The following COBL variants were observed in gnomAD, a reference collection of about 807,000 sequenced individuals.
The protein encoded by COBL is protein cordon-bleu.
COBL carries 51 observed loss-of-function variants against 98.8 expected under a neutral mutation model. That is an observed-to-expected ratio of 0.52 (90% CI 0.41 to 0.65). The LOEUF (loss-of-function observed/expected upper bound fraction) is 0.65, where lower values mean the gene tolerates loss of function less well. COBL is among the 30% of genes least tolerant of loss of function. COBL has a pLI of 0.00. For synonymous variants in COBL, 634 were observed against 651.7 expected (o/e 0.97, Z 0.41); for missense variants, 1,617 against 1,617.5 (o/e 1.00, Z 0.01).
At chr7:51,268,047 G>A (rs1798387995) in intron 1 of COBL, among the ~76,000 whole-genome samples, 1 of 152,134 alleles carries the variant, frequency 6.6e-6, no homozygotes, top group African/African-American at 2.4e-5. Flanking sequence ...TGGTATTGGT[G>A]GTAGAGATGA....
At chr7:51,286,681 AC>A (rs1800399865) in intron 1 of COBL, among the ~76,000 whole-genome samples, 1 of 152,214 alleles carries the variant, frequency 6.6e-6, no homozygotes, top group African/African-American at 2.4e-5. Context: ...TAGTTCAGCC[AC>A]TGTGGAAAGT....
intron 7 of COBL, among the ~76,000 whole-genome samples, chr7:51,066,287 T>C (rs552539167): frequency 9.8e-4 from 149 of 152,278 alleles, no homozygotes; most frequent in African/African-American, 3.4e-3. Context: ...TAGGTGGGCT[T>C]GCACATGAGA....
chr7:51,142,218 G>T (rs902833495), intron 5 of COBL, among the ~76,000 whole-genome samples: 1 of 152,022 alleles, frequency 6.6e-6, no homozygotes, highest in African/African-American at 2.4e-5. Context: ...ATGCCTGGGG[G>T]ATGGCATTTT....
chr7:51,071,497 G>T (rs1792549693), intron 7 of COBL: 1 of 152,054 alleles, frequency 6.6e-6, no homozygotes, highest in African/African-American at 2.4e-5. Flanking sequence ...AGTAAATTGG[G>T]GGTGCCATGT....
intron 1 of COBL, among the ~76,000 whole-genome samples, chr7:51,308,813 A>C (rs191051245): frequency 6.6e-6 from 1 of 152,334 alleles, no homozygotes; most frequent in Non-Finnish European, 1.5e-5. Flanking sequence ...CAAGGAGAAC[A>C]GAGACATCAT....
intron 7 of COBL, among the ~76,000 whole-genome samples, chr7:51,048,399 A>C (rs1789924250): frequency 6.6e-6 from 1 of 152,190 alleles, no homozygotes; most frequent in Admixed American, 6.6e-5. Context: ...TTTACAACTA[A>C]ATTAATTGTA....
chr7:51,180,576 T>C (rs1788847159), intron 5 of COBL, among the ~76,000 whole-genome samples: 1 of 152,236 alleles, frequency 6.6e-6, no homozygotes, highest in Non-Finnish European at 1.5e-5. Flanking sequence ...TCATGCCAAG[T>C]ATAATAAGTG....
At chr7:51,208,192 G>C (rs1035996778) in intron 2 of COBL, among the ~76,000 whole-genome samples, 2 of 149,772 alleles carry the variant, frequency 1.3e-5, no homozygotes, top group Admixed American at 1.3e-4. Flanking sequence ...CCCTCTGCCT[G>C]GCAACCGCCC....
intron 6 of COBL, among the ~76,000 whole-genome samples, chr7:51,116,649 A>G (rs1480238452): frequency 1.3e-5 from 2 of 152,098 alleles, no homozygotes; most frequent in Non-Finnish European, 2.9e-5. Context: ...GCTATGTACC[A>G]TTTCTGACAC....
intron 1 of COBL, among the ~76,000 whole-genome samples, chr7:51,240,080 T>TA (rs1267745568): frequency 6.6e-6 from 1 of 152,186 alleles, no homozygotes; most frequent in Admixed American, 6.5e-5. Flanking sequence ...TTAATTTTTT[T>TA]AAAAAATACC....
At chr7:51,298,334 T>C (rs555653378) in intron 1 of COBL, among the ~76,000 whole-genome samples, 21 of 152,372 alleles carry the variant, frequency 1.4e-4, no homozygotes, top group Non-Finnish European at 2.5e-4. Context: ...ACTTGCTACG[T>C]AGCAATAGGT....
intron 1 of COBL, among the ~76,000 whole-genome samples, chr7:51,294,839 G>A (rs1257233584): frequency 6.6e-6 from 1 of 151,900 alleles, no homozygotes; most frequent in Non-Finnish European, 1.5e-5. Flanking sequence ...AGAATTTAAA[G>A]TTTTACTGGT....
intron 6 of COBL, among the ~76,000 whole-genome samples, chr7:51,124,667 T>G (rs1285053608): frequency 1.3e-5 from 2 of 152,206 alleles, no homozygotes; most frequent in African/African-American, 4.8e-5. Flanking sequence ...TTTGGGGACA[T>G]AAAGTGCTCC....
At chr7:51,059,014 C>T (rs543997339) in intron 7 of COBL, among the ~76,000 whole-genome samples, 10 of 152,298 alleles carry the variant, frequency 6.6e-5, no homozygotes, top group Non-Finnish European at 1.2e-4. Context: ...CTGGGGTGTC[C>T]GAATTGTCCC....
At chr7:51,060,757 C>CA (rs987945987) in intron 7 of COBL, among the ~76,000 whole-genome samples, 11 of 152,196 alleles carry the variant, frequency 7.2e-5, no homozygotes, top group Middle Eastern at 3.4e-3. Flanking sequence ...ATTATTCCAC[C>CA]AGGGGGCACA....
chr7:51,292,973 A>C (rs1458253657), intron 1 of COBL, among the ~76,000 whole-genome samples: 1 of 152,254 alleles, frequency 6.6e-6, no homozygotes, highest in Non-Finnish European at 1.5e-5. Flanking sequence ...ATAAGTTACT[A>C]AACACATGTG....
chr7:51,277,628 A>T (rs1284606404), intron 1 of COBL, among the ~76,000 whole-genome samples: 1 of 152,124 alleles, frequency 6.6e-6, no homozygotes, highest in Non-Finnish European at 1.5e-5. Flanking sequence ...AGCAAGTTGG[A>T]CAGCGGGCTA....
At chr7:51,026,421 A>G (rs1224267675) in intron 11 of COBL, 125 bp downstream of exon 11, 2 of 1,326,948 alleles carry the variant, frequency 1.5e-6, no homozygotes, top group Middle Eastern at 2.7e-4. Context: ...TGGCCACTCT[A>G]AAGACAGATG....
chr7:51,207,634 G>T (rs1791883667), intron 2 of COBL, among the ~76,000 whole-genome samples: 1 of 152,260 alleles, frequency 6.6e-6, no homozygotes, highest in African/African-American at 2.4e-5. Context: ...GTTTCACTGT[G>T]TTGGCCGGGC....
Sources: allele counts gnomAD v4.1 joint callset (sites outside exome capture counted in the v4.1 genomes callset), GRCh38; gene constraint gnomAD v4.1.1; transcripts MANE v1.5; gene names NCBI Gene and HGNC (gene_info 2026-07-23, HGNC 2026-07-21).